Variants in PTCHD4 observed in about 807,000 individuals in gnomAD.
The protein encoded by PTCHD4 is patched domain containing 4.
PTCHD4 carries 33 observed loss-of-function variants against 58.1 expected under a neutral mutation model. The ratio of observed to expected loss-of-function variants is 0.57; its 90% CI spans 0.43 to 0.76. The LOEUF is 0.76. PTCHD4 is among the 30% of genes least tolerant of loss of function. PTCHD4 has a pLI of 0.00. For missense variants in PTCHD4, 1,058 were observed against 1,027.1 expected, an observed-to-expected ratio of 1.03 and a Z score of -0.41; for synonymous variants, 478 against 409.6, an observed-to-expected ratio of 1.17 and a Z score of -2.02.
intron 4 of PTCHD4, among the ~76,000 whole-genome samples, chr6:47,912,888 T>A (rs1040494742): frequency 6.6e-6 from 1 of 152,144 alleles, no homozygotes; most frequent in Non-Finnish European, 1.5e-5. Flanking sequence ...TTCCTCCGAA[T>A]AATCTTTAAA....
chr6:48,048,685 A>C (rs148386247), intron 3 of PTCHD4, among the ~76,000 whole-genome samples: 47 of 152,056 alleles, frequency 3.1e-4, no homozygotes, highest in African/African-American at 1.1e-3. Context: ...CAAAATGAGG[A>C]AGATGAATTA....
Position 47,878,886 on chromosome 6 carries a change from T to C in PTCHD4, c.1949A>G (p.Tyr650Cys), listed in dbSNP as rs761589438. 2 of 1,613,584 alleles carry C rather than the reference T, an allele frequency of 1.2e-6. No individual in the cohort carries two copies. Among genetic ancestry groups the C allele is most frequent in the Non-Finnish European group, 1.7e-6 (2 of 1,179,752 alleles). Residue 650 changes from tyrosine to cysteine, a missense_variant, in exon 5 of 5, where the codon TAC becomes TGC. Coordinates refer to ENST00000339488, the MANE Select transcript of PTCHD4 (RefSeq NM_001384253.1). The stretch of plus-strand genomic sequence containing the variant: ...AACAGGCACTGTGACAGACAAGCTG[T>C]AATGGTCCATGAAGACAAAGGAGGG... ...FNPSFVFMDHYSLSVTVPVLI... is the reference protein window; with the variant it reads ...FNPSFVFMDHCSLSVTVPVLI...
chr6:47,962,428 C>T (rs773567210), intron 4 of PTCHD4, among the ~76,000 whole-genome samples: 32 of 152,118 alleles, frequency 2.1e-4, no homozygotes, highest in African/African-American at 1.4e-4. Context: ...CAAATCTCAT[C>T]TTGAATTGTA....
chr6:47,960,994 T>A (rs997656881), intron 4 of PTCHD4, among the ~76,000 whole-genome samples: 1 of 150,134 alleles, frequency 6.7e-6, no homozygotes, highest in Non-Finnish European at 1.5e-5. Flanking sequence ...GACAGTGTCT[T>A]GCTCTGTTGC....
intron 4 of PTCHD4, among the ~76,000 whole-genome samples, chr6:47,937,526 C>A (rs890771541): frequency 6.6e-6 from 1 of 152,122 alleles, no homozygotes; most frequent in East Asian, 1.9e-4. Context: ...GGAAGGTTTA[C>A]GAGTTTTGTT....
rs1305102467 is a variant in PTCHD4, at chr6:48,068,665, G to A, written c.6-24C>T. 1 of 1,524,862 alleles carries A rather than the reference G, an allele frequency of 6.6e-7. No individual in the cohort carries two copies. Among genetic ancestry groups the A allele is most frequent in the African/African-American group, 1.4e-5 (1 of 72,924 alleles). The allele number at this position is 1,524,862 out of a possible 1,614,324, so 94.5% of individuals were successfully genotyped here. ...GTCTTAAAAAGCACATGTGACATGT[G>A]TAAGCGCCGGGCTACCCCGTTCTCC... On this transcript the variant is annotated intron_variant, in intron 2 of 4. Coordinates refer to ENST00000339488, the MANE Select transcript of PTCHD4 (RefSeq NM_001384253.1). The surrounding 1 kb of genome is among the most constrained non-coding windows in gnomAD (Gnocchi z 4.2).
At chr6:47,893,820 C>T (rs1219542190) in intron 4 of PTCHD4, among the ~76,000 whole-genome samples, 5 of 152,114 alleles carry the variant, frequency 3.3e-5, no homozygotes, top group African/African-American at 1.2e-4. Context: ...AAGTTTTCTT[C>T]TCTGATTATT....
chr6:48,107,429 C>T (rs537465450), intron 1 of PTCHD4, among the ~76,000 whole-genome samples: 8 of 152,312 alleles, frequency 5.3e-5, no homozygotes, highest in Middle Eastern at 3.4e-3. Flanking sequence ...CCCTTCCTTA[C>T]ACCTTATACA....
intron 4 of PTCHD4, among the ~76,000 whole-genome samples, chr6:47,893,095 C>G (rs1167897000): frequency 6.6e-6 from 1 of 152,232 alleles, no homozygotes; most frequent in African/African-American, 2.4e-5. Flanking sequence ...ACTGCAACCT[C>G]TGCCTCCCGG....
At chr6:48,063,588 C>T (rs1478217061) in intron 3 of PTCHD4, among the ~76,000 whole-genome samples, 6 of 152,228 alleles carry the variant, frequency 3.9e-5, no homozygotes, top group African/African-American at 1.4e-4. Flanking sequence ...TCAAGGAAGT[C>T]AACCTCCTGG....
chr6:48,008,674 C>T lies in PTCHD4; in HGVS notation c.858G>A (p.Lys286=). Residue 286 remains lysine, a synonymous_variant, in exon 4 of 5, where the codon AAG becomes AAA. Transcript: ENST00000339488. ...AAGIFFITDG[K]YNSTLLGIPF... ...GGATTCCCAGCAGGGTGGAGTTGTA[C>T]TTTCCATCGGTGATGAAGAAGATCC... 1.2e-6 allele frequency: 2 copies of T among 1,613,436 alleles called. No homozygotes were observed. Among genetic ancestry groups the T allele is most frequent in the South Asian group, 1.1e-5 (1 of 90,952 alleles).
At position 47,871,029 on chromosome 6, in the gene PTCHD4, C is replaced by T. The variant is rs941962815; in HGVS notation, c.*7274G>A. On this transcript the variant is annotated 3_prime_UTR_variant, in exon 5 of 5. Coordinates refer to ENST00000339488, the MANE Select transcript of PTCHD4 (RefSeq NM_001384253.1). ...TTTCATAATTTCATACATTTAGTCA[C>T]CCTTCTTTGCTGTAGAAACTGGTAT... is the stretch of plus-strand genomic sequence containing the variant. 6.6e-6 allele frequency among the ~76,000 whole-genome samples: 1 copy of T among 151,576 alleles called. No individual in the cohort carries two copies. The highest frequency in any genetic ancestry group is 2.1e-4 in the South Asian group (1 of 4,830).
chr6:47,948,304 A>G (rs947917930), intron 4 of PTCHD4, among the ~76,000 whole-genome samples: 1 of 152,208 alleles, frequency 6.6e-6, no homozygotes, highest in African/African-American at 2.4e-5. Flanking sequence ...AAAGCCAGCA[A>G]TGACGAGAGG....
At chr6:48,002,430 TA>T (rs1360644635) in intron 4 of PTCHD4, among the ~76,000 whole-genome samples, 2 of 152,076 alleles carry the variant, frequency 1.3e-5, no homozygotes, top group South Asian at 4.1e-4. Context: ...TATGCAGCCA[TA>T]AAAAATGATG....
intron 4 of PTCHD4, among the ~76,000 whole-genome samples, chr6:47,895,485 C>T (rs1158040285): frequency 1.3e-5 from 2 of 152,134 alleles, no homozygotes; most frequent in Non-Finnish European, 2.9e-5. Context: ...TGAGATTTCT[C>T]AAGAGGTAGA....
intron 3 of PTCHD4, among the ~76,000 whole-genome samples, chr6:48,064,927 G>A (rs184667495): frequency 1.2e-3 from 177 of 152,236 alleles, no homozygotes; most frequent in Non-Finnish European, 2.1e-3. Flanking sequence ...TTTTGAAATC[G>A]TGTATATGTA....
chr6:47,893,283 A>G (rs1668713069), intron 4 of PTCHD4, among the ~76,000 whole-genome samples: 1 of 152,202 alleles, frequency 6.6e-6, no homozygotes. Context: ...TACTGGGATT[A>G]CAGGCGCGAG....
rs1362401323 is a variant in PTCHD4 at position 47,864,131 on chromosome 6, T to A, written c.*14172A>T. On this transcript the variant is annotated 3_prime_UTR_variant, in exon 5 of 5. Coordinates refer to ENST00000339488, the MANE Select transcript of PTCHD4 (RefSeq NM_001384253.1). The stretch of plus-strand genomic sequence containing the variant: ...GTTCCTCAGACTAGTAGCATTAGCA[T>A]CACCTGAAAACTTGTTAGAAATGTA... 6.6e-6 allele frequency among the ~76,000 whole-genome samples: 1 copy of A among 151,932 alleles called. No homozygotes were observed. Among genetic ancestry groups the A allele is most frequent in the African/African-American group, 2.4e-5 (1 of 41,394 alleles).
chr6:48,106,502 A>G (rs569853910), intron 1 of PTCHD4, among the ~76,000 whole-genome samples: 49 of 152,352 alleles, frequency 3.2e-4, no homozygotes, highest in African/African-American at 1.1e-3. Flanking sequence ...ATCATACTGA[A>G]TGGACAAAAA....
Sources: gnomAD v4.1 joint callset for allele counts (sites outside exome capture counted in the v4.1 genomes callset) on GRCh38, gnomAD v4.1.1 for gene constraint, Gnocchi (gnomAD v3.1) non-coding constraint, MANE v1.5 for transcripts, NCBI Gene and HGNC (gene_info 2026-07-23, HGNC 2026-07-21) for gene names.